UGT1A5: variants seen among roughly 807,000 people sequenced by gnomAD.
The protein encoded by UGT1A5 is UDP-glucuronosyltransferase 1A5.
A neutral mutation model predicts 40.3 loss-of-function variants in UGT1A5; 29 were observed. The ratio of observed to expected loss-of-function variants is 0.72; its 90% CI spans 0.54 to 0.98. UGT1A5 has a LOEUF of 0.98. Among genes scored for constraint, UGT1A5 ranks in the 50% least tolerant of loss-of-function variants. UGT1A5 has a pLI of 0.00. For synonymous variants in UGT1A5, 257 were observed against 262.5 expected (o/e 0.98, Z 0.20); for missense variants, 678 against 677.9 (o/e 1.00, Z 0.00).
At chr2:233,747,362 G>C (rs765094554) in intron 1 of UGT1A5, 99 of 1,603,664 alleles carry the variant, frequency 6.2e-5, no homozygotes, top group Non-Finnish European at 7.6e-5. Flanking sequence ...CCGTGCGGGA[G>C]CTCCATGCCA....
chr2:233,729,788 C>A, intron 1 of UGT1A5: 2 of 1,613,954 alleles, frequency 1.2e-6, no homozygotes, highest in Non-Finnish European at 1.7e-6. Context: ...CTGGCCCTGT[C>A]CTACATTTGC....
chr2:233,724,253 C>T (rs2077196300), intron 1 of UGT1A5, among the ~76,000 whole-genome samples: 1 of 128,614 alleles, frequency 7.8e-6, no homozygotes, highest in Non-Finnish European at 1.7e-5. Flanking sequence ...AGGCGCCCCT[C>T]ACCTCCCGGA....
chr2:233,717,708 G>A, intron 1 of UGT1A5: 1 of 452,244 alleles, frequency 2.2e-6, no homozygotes, highest in Non-Finnish European at 4.5e-6. Context: ...AGCAGGACGA[G>A]CCTCATGGGC....
chr2:233,729,822 A>G, intron 1 of UGT1A5: 1 of 1,613,914 alleles, frequency 6.2e-7, no homozygotes, highest in Non-Finnish European at 8.5e-7. Flanking sequence ...CTCCTTATGC[A>G]AGCCTTGCCT....
At chr2:233,745,784 G>A (rs1693214179) in intron 1 of UGT1A5, among the ~76,000 whole-genome samples, 1 of 151,038 alleles carries the variant, frequency 6.6e-6, no homozygotes, top group Non-Finnish European at 1.5e-5. Flanking sequence ...GCTTAGACAG[G>A]GGGGCTGGGG....
chr2:233,724,525 T>G (rs2077275879), intron 1 of UGT1A5, among the ~76,000 whole-genome samples: 2 of 90,906 alleles, frequency 2.2e-5, no homozygotes, highest in African/African-American at 4.9e-5. Flanking sequence ...CCAGATGGGG[T>G]CTCGCCGGGC....
intron 1 of UGT1A5, among the ~76,000 whole-genome samples, chr2:233,762,481 T>C (rs948381917): frequency 6.6e-6 from 1 of 152,238 alleles, no homozygotes; most frequent in African/African-American, 2.4e-5. Context: ...ATCACTCCAG[T>C]TTTAAATGCT....
At chr2:233,760,225 G>A (rs1047777533) in intron 1 of UGT1A5, 1 of 1,585,000 alleles carries the variant, frequency 6.3e-7, no homozygotes. Flanking sequence ...GTATCGATTG[G>A]TTTTTGCCAT....
intron 1 of UGT1A5, 138 bp downstream of exon 1, chr2:233,713,996 A>G: frequency 6.4e-7 from 1 of 1,559,392 alleles, no homozygotes; most frequent in Non-Finnish European, 8.7e-7. Context: ...AATAGTCTTC[A>G]GTGAGATAAA....
chr2:233,725,279 GGCAGAGGCA>G (rs560438122), intron 1 of UGT1A5, among the ~76,000 whole-genome samples: 3 of 44,338 alleles, frequency 6.8e-5, no homozygotes, highest in East Asian at 1.5e-3. Flanking sequence ...CAGAGGCAGA[GGCAGAGGCA>G]GAGGCAGAGG....
At chr2:233,751,192 T>A (rs984172323) in intron 1 of UGT1A5, among the ~76,000 whole-genome samples, 4 of 151,858 alleles carry the variant, frequency 2.6e-5, no homozygotes, top group African/African-American at 9.7e-5. Context: ...AAGTTAAAGG[T>A]GATAATTTTG....
chr2:233,763,802 T>C (rs1286063842), intron 1 of UGT1A5, among the ~76,000 whole-genome samples: 2 of 152,186 alleles, frequency 1.3e-5, no homozygotes, highest in Non-Finnish European at 2.9e-5. Context: ...GGAATGAAAC[T>C]CAAGAATTCC....
intron 4 of UGT1A5, among the ~76,000 whole-genome samples, chr2:233,771,924 G>A (rs1363047939): frequency 1.3e-5 from 2 of 151,928 alleles, no homozygotes; most frequent in Non-Finnish European, 2.9e-5. Context: ...AACACAGCCT[G>A]GGCAACACAA....
chr2:233,734,819 C>T (rs192367390), intron 1 of UGT1A5, among the ~76,000 whole-genome samples: 11 of 152,204 alleles, frequency 7.2e-5, no homozygotes, highest in South Asian at 2.1e-4. Flanking sequence ...TGTAGTTGTG[C>T]GATTTTGAGT....
At chr2:233,761,302 C>T (rs1697737544) in intron 1 of UGT1A5, 1 of 1,473,836 alleles carries the variant, frequency 6.8e-7, no homozygotes, top group Non-Finnish European at 9.2e-7. Context: ...AGGTTTGAGT[C>T]TGTCTTTGGC....
At chr2:233,728,033 A>T (rs1286905135) in intron 1 of UGT1A5, among the ~76,000 whole-genome samples, 1 of 152,230 alleles carries the variant, frequency 6.6e-6, no homozygotes, top group African/African-American at 2.4e-5. Context: ...TTTCTGGAGT[A>T]GGATAAGCCT....
In UGT1A5 at chr2:233,767,864, A is replaced by T; in HGVS notation, c.1015A>T (p.Thr339Ser). The change falls in exon 3 of 5, where the codon ACT (threonine) becomes TCT (serine). Residue 339 changes from threonine to serine, a missense_variant. Thr to Ser is a moderately conservative substitution (Grantham distance 58). Coordinates refer to ENST00000373414, the MANE Select transcript of UGT1A5 (RefSeq NM_019078.2). The part of the protein sequence containing the change: ...KIPQTVLWRY[T>S]GTRPSNLANN... Reference sequence around the variant, plus strand: ...CCCCTCCCAGGTCCTGTGGCGGTACACTGGAACCCGACCATCGAATCTTGC... The same window carrying T: ...CCCCTCCCAGGTCCTGTGGCGGTACTCTGGAACCCGACCATCGAATCTTGC... 1 of 1,614,144 alleles carries T rather than the reference A, an allele frequency of 6.2e-7. No individual in the cohort carries two copies. Among genetic ancestry groups the T allele is most frequent in the Non-Finnish European group, 8.5e-7 (1 of 1,180,042 alleles).
At chr2:233,736,528 A>T (rs895463431) in intron 1 of UGT1A5, among the ~76,000 whole-genome samples, 1 of 152,204 alleles carries the variant, frequency 6.6e-6, no homozygotes, top group African/African-American at 2.4e-5. Context: ...CGTCAAAGTC[A>T]TTCTCTTTCC....
intron 1 of UGT1A5, among the ~76,000 whole-genome samples, chr2:233,737,582 C>T (rs532884650): frequency 6.6e-6 from 1 of 152,312 alleles, no homozygotes; most frequent in Non-Finnish European, 1.5e-5. Context: ...CAACCAGTCC[C>T]AATGAGATGA....
Sources: gnomAD v4.1 joint callset for allele counts (sites outside exome capture counted in the v4.1 genomes callset) on GRCh38, gnomAD v4.1.1 for gene constraint, MANE v1.5 for transcripts, NCBI Gene and HGNC (gene_info 2026-07-23, HGNC 2026-07-21) for gene names.